Variants in LITAF observed in about 807,000 individuals in gnomAD.
The protein encoded by LITAF is lipopolysaccharide induced TNF factor, also known as lipopolysaccharide-induced tumor necrosis factor-alpha factor.
LITAF carries 9 observed loss-of-function variants against 14.5 expected under a neutral mutation model. The ratio of observed to expected loss-of-function variants is 0.62; its 90% CI spans 0.37 to 1.08. The LOEUF is 1.08. Ranked by LOEUF, LITAF falls within the 50% of genes least tolerant of loss-of-function variation. LITAF has a pLI of 0.01. For synonymous variants in LITAF, 98 were observed against 88.2 expected, an observed-to-expected ratio of 1.11 and a Z score of -0.62; for missense variants, 206 against 213.4, an observed-to-expected ratio of 0.97 and a Z score of 0.22.
chr16:11,614,759 G>A (rs370557870), intron 3 of LITAF, among the ~76,000 whole-genome samples: 22 of 152,250 alleles, frequency 1.4e-4, no homozygotes, highest in African/African-American at 2.9e-4. Context: ...CAGTGTGCCC[G>A]GACTGTTTTC....
chr16:11,584,419 T>A (rs2064779793), intron 1 of LITAF: 1 of 152,154 alleles, frequency 6.6e-6, no homozygotes. Flanking sequence ...TGAGGATGGG[T>A]AATGTCAGCA....
At chr16:11,571,042 C>T (rs2064534362) in intron 1 of LITAF, among the ~76,000 whole-genome samples, 1 of 152,072 alleles carries the variant, frequency 6.6e-6, no homozygotes, top group Non-Finnish European at 1.5e-5. Context: ...CAGGAGCCTC[C>T]AGGAGCACAG....
chr16:11,565,466 C>A (rs891103422), intron 1 of LITAF, among the ~76,000 whole-genome samples: 1 of 127,236 alleles, frequency 7.9e-6, no homozygotes, highest in African/African-American at 2.9e-5. Flanking sequence ...GGGGGAGGTG[C>A]GGGGAGGAGA....
chr16:11,618,238 T>C (rs561330148), intron 3 of LITAF, among the ~76,000 whole-genome samples: 1 of 152,332 alleles, frequency 6.6e-6, no homozygotes, highest in East Asian at 1.9e-4. Flanking sequence ...TGCCCAAACT[T>C]TTCCCCCTTG....
chr16:11,587,619 G>C (rs551634494), upstream of LITAF: 10 of 251,772 alleles, frequency 4.0e-5, no homozygotes, highest in Admixed American at 4.5e-4. Flanking sequence ...GTGCCCCCAG[G>C]GTGGTCCGTG....
chr16:11,639,376 T>G (rs2065155287), upstream of LITAF, among the ~76,000 whole-genome samples: 1 of 123,252 alleles, frequency 8.1e-6, no homozygotes, highest in East Asian at 2.5e-4. Context: ...AATGGGTGAG[T>G]GGTGGATGCA....
chr16:11,627,734 C>T (rs2065092608), intron 3 of LITAF, among the ~76,000 whole-genome samples: 1 of 152,152 alleles, frequency 6.6e-6, no homozygotes, highest in African/African-American at 2.4e-5. Flanking sequence ...GCCCCAGCTA[C>T]TCTGGAGGCT....
intron 3 of LITAF, among the ~76,000 whole-genome samples, chr16:11,604,268 A>G (rs1417223522): frequency 6.6e-6 from 1 of 152,172 alleles, no homozygotes; most frequent in Non-Finnish European, 1.5e-5. Flanking sequence ...GTGGATTTTA[A>G]CTTGGAACTA....
At chr16:11,624,914 G>A (rs567201255) in intron 3 of LITAF, among the ~76,000 whole-genome samples, 17 of 152,192 alleles carry the variant, frequency 1.1e-4, no homozygotes, top group African/African-American at 3.6e-4. Context: ...CCCTCCTGGC[G>A]TGCTGCCTGA....
At chr16:11,557,547 T>C (rs2064293667) in intron 1 of LITAF, among the ~76,000 whole-genome samples, 1 of 152,176 alleles carries the variant, frequency 6.6e-6, no homozygotes, top group Non-Finnish European at 1.5e-5. Context: ...CCACCCAGGC[T>C]CAGGTGATCT....
chr16:11,630,725 C>T (rs1334870788), intron 3 of LITAF, among the ~76,000 whole-genome samples: 1 of 150,218 alleles, frequency 6.7e-6, no homozygotes, highest in East Asian at 1.9e-4. Flanking sequence ...ACTACAGGCA[C>T]CCACCACCAC....
Position 11,553,844 on chromosome 16 carries a change from A to G in LITAF, c.221-155T>C. On this transcript the variant is annotated intron_variant, in intron 2 of 3. Transcript: ENST00000622633. This position sits in a 1 kb window ranked among gnomAD's most constrained non-coding sequence, Gnocchi z 7.7. ...CGTTCATCGTCTGGCTATCTATGAGAGCCAAAAGGGGAAGGAACACCAGTG... is the reference window on the plus strand; with the variant it reads ...CGTTCATCGTCTGGCTATCTATGAGGGCCAAAAGGGGAAGGAACACCAGTG... 1.2e-6 allele frequency: 1 copy of G among 811,222 alleles called. No individual in the cohort carries two copies. The highest frequency in any genetic ancestry group is 2.0e-6 in the Non-Finnish European group (1 of 502,860). 50.3% of individuals were successfully genotyped at this position (811,222 alleles called of 1,614,324 possible).
intron 3 of LITAF, among the ~76,000 whole-genome samples, chr16:11,613,754 TG>T (rs770246763): frequency 3.3e-4 from 50 of 152,102 alleles, no homozygotes; most frequent in Non-Finnish European, 6.5e-4. Flanking sequence ...TTCACACTGG[TG>T]GAACCGAGGG....
intron 1 of LITAF, among the ~76,000 whole-genome samples, chr16:11,577,212 A>C (rs1289164792): frequency 5.3e-5 from 8 of 152,184 alleles, no homozygotes; most frequent in Non-Finnish European, 1.5e-5. Flanking sequence ...GAGAAAGCCA[A>C]GTGCATCTGA....
chr16:11,610,503 T>A (rs888893148), intron 3 of LITAF, among the ~76,000 whole-genome samples: 1 of 152,010 alleles, frequency 6.6e-6, no homozygotes, highest in African/African-American at 2.4e-5. Flanking sequence ...CAGGATGGCT[T>A]GAGAATCAAA....
chr16:11,579,344 G>A (rs1001783504), intron 1 of LITAF, among the ~76,000 whole-genome samples: 8 of 151,630 alleles, frequency 5.3e-5, no homozygotes, highest in Non-Finnish European at 1.2e-4. Flanking sequence ...CCAGCTACTC[G>A]GGAGGCTGAG....
At chr16:11,592,736 C>G (rs1383354117) in intron 1 of LITAF, among the ~76,000 whole-genome samples, 1 of 152,032 alleles carries the variant, frequency 6.6e-6, no homozygotes, top group Non-Finnish European at 1.5e-5. Context: ...ACTATGATAG[C>G]TACAAAAAAA....
chr16:11,573,009 AC>A (rs1409945594), intron 1 of LITAF, among the ~76,000 whole-genome samples: 1 of 150,560 alleles, frequency 6.6e-6, no homozygotes, highest in Non-Finnish European at 1.5e-5. Flanking sequence ...GCTCACTGCA[AC>A]CTCCGCCTCC....
chr16:11,563,448 C>G (rs1329683174), intron 1 of LITAF, among the ~76,000 whole-genome samples: 1 of 152,054 alleles, frequency 6.6e-6, no homozygotes, highest in Non-Finnish European at 1.5e-5. Context: ...CCACGCCTGG[C>G]CAGAAATTAT....
Sources: gnomAD v4.1 joint callset for allele counts (sites outside exome capture counted in the v4.1 genomes callset) on GRCh38, gnomAD v4.1.1 for gene constraint, Gnocchi (gnomAD v3.1) non-coding constraint, MANE v1.5 for transcripts, NCBI Gene and HGNC (gene_info 2026-07-23, HGNC 2026-07-21) for gene names.